DENND2B: variants seen among roughly 807,000 people sequenced by gnomAD.
The protein encoded by DENND2B is DENN domain-containing protein 2B.
In DENND2B, 32 loss-of-function variants were observed where a neutral mutation model predicts 116.0. The observed-to-expected ratio is 0.28, with a 90% CI of 0.21 to 0.37. DENND2B has a LOEUF of 0.37. Ranked by LOEUF, DENND2B falls within the 10% of genes least tolerant of loss-of-function variation. The pLI is 1.00. For synonymous variants in DENND2B, 588 were observed against 583.9 expected (o/e 1.01, Z -0.10); for missense variants, 1,276 against 1,477.7 (o/e 0.86, Z 2.24).
chr11:8,856,901 G>A (rs548879949), intron 3 of DENND2B, among the ~76,000 whole-genome samples: 1 of 151,984 alleles, frequency 6.6e-6, no homozygotes, highest in East Asian at 1.9e-4. Flanking sequence ...CTACAGATGT[G>A]TGCCACCATG....
chr11:8,727,520 G>A (rs879441072), intron 3 of DENND2B, among the ~76,000 whole-genome samples: 2 of 152,106 alleles, frequency 1.3e-5, no homozygotes, highest in Non-Finnish European at 2.9e-5. Context: ...AAGTGTCCGG[G>A]TCTCTCAGAG....
chr11:8,859,484 T>G (rs1258891429), intron 2 of DENND2B, among the ~76,000 whole-genome samples: 2 of 151,954 alleles, frequency 1.3e-5, no homozygotes, highest in African/African-American at 4.8e-5. Context: ...ATTTTTTGTA[T>G]TTTTTAGTAG....
intron 2 of DENND2B, among the ~76,000 whole-genome samples, chr11:8,743,360 G>T (rs561141360): frequency 7.2e-4 from 109 of 151,944 alleles, no homozygotes; most frequent in African/African-American, 2.6e-3. Flanking sequence ...GACCAGCCTG[G>T]TCAACATGGC....
chr11:8,702,281 T>C lies in DENND2B; in HGVS notation c.2720+291A>G, dbSNP rs1237550737. On this transcript the variant is annotated intron_variant, in intron 14 of 19. Transcript: ENST00000313726. This position sits in a 1 kb window ranked among gnomAD's most constrained non-coding sequence, Gnocchi z 4.6. The stretch of plus-strand genomic sequence containing the variant: ...AATTTCTTAACCTTTCCCCTTTACA[T>C]ATCCCGGCACCTGCACAGTCTTGGC... 1.3e-5 allele frequency among the ~76,000 whole-genome samples: 2 copies of C among 152,222 alleles called. No homozygotes were observed. The highest frequency in any genetic ancestry group is 2.9e-5 in the Non-Finnish European group (2 of 68,008).
rs542684094 is a variant in DENND2B at position 8,850,520 on chromosome 11, C to T, written c.-156+6823G>A. Among the ~76,000 whole-genome samples, 8 of 151,728 alleles carry T rather than the reference C, an allele frequency of 5.3e-5. No individual in the cohort carries two copies. In the South Asian group the frequency reaches 1.5e-3, roughly 28 times the overall value. ...TAACACCTCACACCTATTAGAATGG[C>T]TACCACCAAAACGACAAAAGATAAT... is the stretch of plus-strand genomic sequence containing the variant. On this transcript the variant is annotated intron_variant, in intron 3 of 6. Transcript: ENST00000524757.
At chr11:8,697,286 G>T (rs997496834) in intron 17 of DENND2B, among the ~76,000 whole-genome samples, 4 of 152,278 alleles carry the variant, frequency 2.6e-5, no homozygotes, top group Non-Finnish European at 5.9e-5. Context: ...TTGAGGCAAG[G>T]CCTCAGAAGG....
At chr11:8,887,043 G>C (rs2063968916) in intron 1 of DENND2B, among the ~76,000 whole-genome samples, 1 of 152,070 alleles carries the variant, frequency 6.6e-6, no homozygotes, top group Non-Finnish European at 1.5e-5. Context: ...GGTCAGGCTG[G>C]TTTTGAACTC....
At position 8,702,845 on chromosome 11, in the gene DENND2B, C is replaced by T. The variant is rs1411441685; in HGVS notation, c.2572-125G>A. 11 of 1,215,940 alleles carry T rather than the reference C, an allele frequency of 9.0e-6. No individual in the cohort carries two copies. The highest frequency in any genetic ancestry group is 1.3e-5 in the Non-Finnish European group (11 of 878,378). The allele number at this position is 1,215,940 out of a possible 1,614,324, so 75.3% of individuals were successfully genotyped here. A position where few individuals can be genotyped will look rare whatever the true frequency, so the allele number is the denominator to read the frequency against. ...GCTCTTTTCCAGGTCTCTCGTCTAC[C>T]CTGCTATGCAGTAAACCCCTCTTCT... On this transcript the variant is annotated intron_variant, in intron 13 of 19. Coordinates refer to ENST00000313726, the MANE Select transcript of DENND2B (RefSeq NM_213618.2). The surrounding 1 kb of genome is among the most constrained non-coding windows in gnomAD (Gnocchi z 4.6).
In DENND2B at chr11:8,696,417, C is replaced by G; in HGVS notation, c.3292+10G>C. The G allele has an allele frequency of 6.2e-7, 1 of 1,613,570 alleles. No individual in the cohort carries two copies. Among genetic ancestry groups the G allele is most frequent in the Non-Finnish European group, 8.5e-7 (1 of 1,179,676 alleles). On this transcript the variant is annotated intron_variant, in intron 18 of 19. Transcript: ENST00000313726. ...AAAATTAGAGAAGAGAGCTGATAAC[C>G]AAGACTTACCCTTTGCCCGACACTT...
At chr11:8,794,163 A>G (rs989459550) in intron 1 of DENND2B, among the ~76,000 whole-genome samples, 2 of 152,244 alleles carry the variant, frequency 1.3e-5, no homozygotes, top group Admixed American at 6.5e-5. Flanking sequence ...AACAAAAGTT[A>G]GCCAGATAGA....
At chr11:8,718,695 G>A in intron 4 of DENND2B, 4 of 1,181,322 alleles carry the variant, frequency 3.4e-6, no homozygotes, top group South Asian at 3.5e-5. Flanking sequence ...GGGGGTGAGG[G>A]GAGTTCTTGC....
intron 2 of DENND2B, among the ~76,000 whole-genome samples, chr11:8,740,195 TAAA>T (rs536161637): frequency 2.8e-5 from 3 of 106,770 alleles, no homozygotes. Context: ...TCTCAAAAAT[TAAA>T]AAAAAAAAAA....
intron 1 of DENND2B, among the ~76,000 whole-genome samples, chr11:8,770,996 C>T (rs2056757797): frequency 6.6e-6 from 1 of 152,182 alleles, no homozygotes; most frequent in African/African-American, 2.4e-5. Flanking sequence ...TGTGGTTTGC[C>T]CTGCCTGCAG....
chr11:8,793,457 G>A (rs541807881), intron 1 of DENND2B, among the ~76,000 whole-genome samples: 103 of 152,056 alleles, frequency 6.8e-4, no homozygotes, highest in African/African-American at 2.3e-3. Context: ...TTTTATATAC[G>A]GCTTATTTCA....
chr11:8,832,117 G>C (rs1340895456), intron 4 of DENND2B, among the ~76,000 whole-genome samples: 1 of 152,102 alleles, frequency 6.6e-6, no homozygotes, highest in African/African-American at 2.4e-5. Flanking sequence ...GCCTTCCAGA[G>C]TGACAGCGAG....
chr11:8,713,376 C>T (rs2044122946), intron 8 of DENND2B, among the ~76,000 whole-genome samples: 1 of 152,014 alleles, frequency 6.6e-6, no homozygotes, highest in Admixed American at 6.6e-5. Flanking sequence ...CTCTGACCCT[C>T]CAGATCTACA....
intron 2 of DENND2B, among the ~76,000 whole-genome samples, chr11:8,735,407 G>C (rs1279743087): frequency 6.6e-6 from 1 of 152,212 alleles, no homozygotes; most frequent in Non-Finnish European, 1.5e-5. Context: ...GGGGAAACCA[G>C]CAGAGAACCA....
rs2043821138 is a variant in DENND2B at position 8,712,037 on chromosome 11, C to T, written c.2172+514G>A. ...GTGAAGAGCTGGAGAAAGCACATTC[C>T]TGGCAGAGGCAATGGCAGAGAGAGA... On this transcript the variant is annotated intron_variant, in intron 9 of 19. Coordinates refer to ENST00000313726, the MANE Select transcript of DENND2B (RefSeq NM_213618.2). The surrounding 1 kb of genome is among the most constrained non-coding windows in gnomAD (Gnocchi z 4.4). 4.4e-6 allele frequency: 2 copies of T among 454,960 alleles called. No individual in the cohort carries two copies. The highest frequency in any genetic ancestry group is 7.0e-5 in the East Asian group (1 of 14,380). The allele number at this position is 454,960 out of a possible 1,614,324, so 28.2% of individuals were successfully genotyped here.
chr11:8,699,135 C>G, intron 15 of DENND2B, 78 bp downstream of exon 15: 1 of 1,513,556 alleles, frequency 6.6e-7, no homozygotes, highest in Non-Finnish European at 8.8e-7. Context: ...GGTAAAGAGG[C>G]CGAGGGGCCA....
Sources: gnomAD v4.1 joint callset for allele counts (sites outside exome capture counted in the v4.1 genomes callset) on GRCh38, gnomAD v4.1.1 for gene constraint, Gnocchi (gnomAD v3.1) non-coding constraint, MANE v1.5 for transcripts, NCBI Gene and HGNC (gene_info 2026-07-23, HGNC 2026-07-21) for gene names.